Variants in SALL2 observed in about 807,000 individuals in gnomAD.
The protein encoded by SALL2 is spalt like transcription factor 2.
In SALL2, 32 loss-of-function variants were observed where a neutral mutation model predicts 58.5. That is an observed-to-expected ratio of 0.55 (90% CI 0.41 to 0.74). SALL2 has a LOEUF of 0.74. SALL2 is among the 30% of genes least tolerant of loss of function. The pLI is 0.00. For synonymous variants in SALL2, 516 were observed against 513.6 expected, an observed-to-expected ratio of 1.00 and a Z score of -0.06; for missense variants, 1,201 against 1,268.9, an observed-to-expected ratio of 0.95 and a Z score of 0.81.
chr14:21,522,655 G>T lies in SALL2; in HGVS notation c.*49C>A. 1 of 1,499,182 alleles carries T rather than the reference G, an allele frequency of 6.7e-7. No homozygotes were observed. Among genetic ancestry groups the T allele is most frequent in the Non-Finnish European group, 8.9e-7 (1 of 1,125,472 alleles). The allele number at this position is 1,499,182 out of a possible 1,614,324, so 92.9% of individuals were successfully genotyped here. A position where few individuals can be genotyped will look rare whatever the true frequency, so the allele number is the denominator to read the frequency against. On this transcript the variant is annotated 3_prime_UTR_variant, in exon 2 of 2. Transcript: ENST00000537235. ...TAACTCTGGGAGGTCCTTTTGTGAA[G>T]CTGTTTCTGCTCTGTGGGACAAAGA...
upstream of SALL2, among the ~76,000 whole-genome samples, chr14:21,527,435 C>T (rs1892352199): frequency 6.6e-6 from 1 of 151,486 alleles, no homozygotes; most frequent in Admixed American, 6.6e-5. Flanking sequence ...CTTCCCACTT[C>T]CTAAAATACT....
upstream of SALL2, among the ~76,000 whole-genome samples, chr14:21,527,097 TCTC>T (rs572863110): frequency 1.3e-5 from 2 of 152,202 alleles, no homozygotes; most frequent in Admixed American, 1.3e-4. Flanking sequence ...CCTCCTCTAT[TCTC>T]CTCTTGCAAC....
Position 21,521,737 on chromosome 14 carries a change from C to A in SALL2, c.*967G>T. ...CCTTAAAGATACGAACTTCACATTTCCCAAATATCTCCTGGGAGACCTCTT... is the reference window on the plus strand; with the variant it reads ...CCTTAAAGATACGAACTTCACATTTACCAAATATCTCCTGGGAGACCTCTT... On this transcript the variant is annotated 3_prime_UTR_variant, in exon 2 of 2. Transcript: ENST00000537235. The A allele has an allele frequency of 2.5e-6, 1 of 404,108 alleles. No individual in the cohort carries two copies. The highest frequency in any genetic ancestry group is 4.5e-6 in the Non-Finnish European group (1 of 221,254). 25.0% of individuals were successfully genotyped at this position (404,108 alleles called of 1,614,324 possible). A position where few individuals can be genotyped will look rare whatever the true frequency, so the allele number is the denominator to read the frequency against.
Position 21,522,480 on chromosome 14 carries a change from C to T in SALL2, c.*224G>A. The T allele has an allele frequency of 7.2e-7, 1 of 1,394,980 alleles. No homozygotes were observed. The allele number at this position is 1,394,980 out of a possible 1,614,324, so 86.4% of individuals were successfully genotyped here. A position where few individuals can be genotyped will look rare whatever the true frequency, so the allele number is the denominator to read the frequency against. On this transcript the variant is annotated 3_prime_UTR_variant, in exon 2 of 2. Coordinates refer to ENST00000537235, the MANE Select transcript of SALL2 (RefSeq NM_001364564.1). ...GAGAAAGCTGCAGAGAATCTATGTT[C>T]CTCAGGTACAAAGAATGAGGAGGGA... is the stretch of plus-strand genomic sequence containing the variant.
chr14:21,525,728 G>T lies in SALL2; in HGVS notation c.68-74C>A. ...GTATACCGAGGCTCTAATTAACAAGGAGGCCAGTAACCGCTAGTTGGGGGT... is the reference window on the plus strand; with the variant it reads ...GTATACCGAGGCTCTAATTAACAAGTAGGCCAGTAACCGCTAGTTGGGGGT... On this transcript the variant is annotated intron_variant, in intron 1 of 1. Transcript: ENST00000537235. The surrounding 1 kb of genome is among the most constrained non-coding windows in gnomAD (Gnocchi z 4.4). 6.8e-7 allele frequency: 1 copy of T among 1,479,432 alleles called. No homozygotes were observed. Among genetic ancestry groups the T allele is most frequent in the South Asian group, 1.4e-5 (1 of 73,248 alleles). 91.6% of individuals were successfully genotyped at this position (1,479,432 alleles called of 1,614,324 possible).
At position 21,521,939 on chromosome 14, in the gene SALL2, CAATT is replaced by C; in HGVS notation, c.*761_*764del. On this transcript the variant is annotated 3_prime_UTR_variant, in exon 2 of 2. Transcript: ENST00000537235. Reference sequence around the variant, plus strand: ...TCCCTACTTCCTAGGGTTGGGTCACCAATTACTGGAGCATCTTCAGTACCGGCAC... The same window carrying C: ...TCCCTACTTCCTAGGGTTGGGTCACCACTGGAGCATCTTCAGTACCGGCAC... The C allele has an allele frequency of 6.7e-7, 1 of 1,484,000 alleles. No homozygotes were observed. The highest frequency in any genetic ancestry group is 9.0e-7 in the Non-Finnish European group (1 of 1,115,598). 91.9% of individuals were successfully genotyped at this position (1,484,000 alleles called of 1,614,324 possible). A position where few individuals can be genotyped will look rare whatever the true frequency, so the allele number is the denominator to read the frequency against.
At chr14:21,530,089 T>G (rs372763895), upstream of SALL2, among the ~76,000 whole-genome samples, 6 of 152,278 alleles carry the variant, frequency 3.9e-5, no homozygotes, top group African/African-American at 1.2e-4. Flanking sequence ...CTCCCTACAG[T>G]GCCCACAACC....
In SALL2 at chr14:21,522,819, G is replaced by T. The variant is rs368220424; in HGVS notation, c.2903C>A (p.Ala968Asp). The change falls in exon 2 of 2, where the codon GCC becomes GAC. Residue 968 changes from alanine to aspartate, a missense_variant. Ala to Asp is a moderately radical substitution (Grantham distance 126). This residue lies in a region of SALL2 where 675 missense variants were observed against 683.8 expected (regional missense o/e 0.99). Coordinates refer to ENST00000537235, the MANE Select transcript of SALL2 (RefSeq NM_001364564.1). ...LLAHHQVQPFAPHGPQNIAAL... is the reference protein window; with the variant it reads ...LLAHHQVQPFDPHGPQNIAAL... ...AGCAATATTCTGAGGGCCATGGGGG[G>T]CAAAGGGCTGTACCTGGTGGTGTGC... 2 of 1,608,728 alleles carry T rather than the reference G, an allele frequency of 1.2e-6. No individual in the cohort carries two copies.
chr14:21,523,806 C>A lies in SALL2; in HGVS notation c.1916G>T (p.Ser639Ile), dbSNP rs1244679375. 1 of 1,614,198 alleles carries A rather than the reference C, an allele frequency of 6.2e-7. No homozygotes were observed. Among genetic ancestry groups the A allele is most frequent in the Admixed American group, 1.7e-5 (1 of 60,020 alleles). ...ATGAAGGCGTAGGGCCCGAGGACAG[C>A]TAAGCACTCGGAGACAGATGACACA... ...NQCVICLRVL[S>I]CPRALRLHYG... Residue 639 changes from serine (S) to isoleucine (I), a missense_variant, in exon 2 of 2, where the codon AGC (serine) becomes ATC (isoleucine). By Grantham distance (142) the Ser-to-Ile change is moderately radical. This residue lies in a region of SALL2 where 675 missense variants were observed against 683.8 expected (regional missense o/e 0.99). Transcript: ENST00000537235. This position sits in a 1 kb window ranked among gnomAD's most constrained non-coding sequence, Gnocchi z 4.4.
chr14:21,529,996 C>T (rs1437157306), upstream of SALL2, among the ~76,000 whole-genome samples: 1 of 152,186 alleles, frequency 6.6e-6, no homozygotes, highest in Non-Finnish European at 1.5e-5. Flanking sequence ...CTGCTCCTCA[C>T]AGATCTTACC....
rs775801450 is a variant in SALL2, at chr14:21,522,752, G to A, written c.2970C>T (p.Ser990=). 1.9e-6 allele frequency: 3 copies of A among 1,558,536 alleles called. No individual in the cohort carries two copies. Among genetic ancestry groups the A allele is most frequent in the African/African-American group, 1.4e-5 (1 of 72,948 alleles). The change falls in exon 2 of 2, where the codon TCC becomes TCT. Residue 990 remains serine, a synonymous_variant. Coordinates refer to ENST00000537235, the MANE Select transcript of SALL2 (RefSeq NM_001364564.1). ...TTCGGGGAAAGGGGGAGAGCCCTGT[G>A]GAGGTGATGGAAGGCGAACAGCCAG... ...LVPGCSPSIT[S]TGLSPFPRKD...
upstream of SALL2, among the ~76,000 whole-genome samples, chr14:21,530,857 C>CT (rs1029833755): frequency 1.3e-5 from 2 of 152,230 alleles, no homozygotes; most frequent in African/African-American, 4.8e-5. Flanking sequence ...AGGGATCCTC[C>CT]TGCCTTGTCC....
rs61743453 is a variant in SALL2, at chr14:21,523,209, G to C, written c.2513C>G (p.Pro838Arg). 3,262 of 1,614,038 alleles carry C rather than the reference G, an allele frequency of 2.0e-3. 57 individuals carry two copies. The African/African-American group carries it at 0.038, about 19-fold the overall frequency. The change falls in exon 2 of 2, where the codon CCA becomes CGA. Residue 838 changes from proline (P) to arginine (R), a missense_variant. Around this residue, in one of 3 missense-constraint regions of SALL2, gnomAD observed 675 missense variants for 683.8 expected, o/e 0.99. Transcript: ENST00000537235. The surrounding 1 kb of genome is among the most constrained non-coding windows in gnomAD (Gnocchi z 4.4). ...KTTQQSSLPP[P>R]PPPDSLDQPQ... ...CTGATCCAGGCTGTCAGGTGGTGGT[G>C]GTGGTGGCAAAGAAGACTGTTGAGT...
rs556669432 is a variant in SALL2, at chr14:21,522,731, G to C, written c.2991C>G (p.Pro997=). The C allele has an allele frequency of 2.0e-6, 3 of 1,527,996 alleles. No homozygotes were observed. Among genetic ancestry groups the C allele is most frequent in the South Asian group, 2.6e-5 (2 of 76,420 alleles). The allele number at this position is 1,527,996 out of a possible 1,614,324, so 94.7% of individuals were successfully genotyped here. The part of the protein sequence containing the change: ...SITSTGLSPF[P]RKDDPTIP ...ATGGGATCGTGGGGTCATCTTTTCG[G>C]GGAAAGGGGGAGAGCCCTGTGGAGG... Residue 997 remains proline (P), a synonymous_variant, in exon 2 of 2, where the codon CCC becomes CCG. Coordinates refer to ENST00000537235, the MANE Select transcript of SALL2 (RefSeq NM_001364564.1).
At chr14:21,532,646 A>C (rs1566518612) in intron 1 of SALL2, among the ~76,000 whole-genome samples, 1 of 151,990 alleles carries the variant, frequency 6.6e-6, no homozygotes, top group South Asian at 2.1e-4. Context: ...TCTCAAAAAA[A>C]GAAAAAAATT....
upstream of SALL2, among the ~76,000 whole-genome samples, chr14:21,529,498 G>T (rs1218701248): frequency 6.6e-6 from 1 of 152,102 alleles, no homozygotes; most frequent in African/African-American, 2.4e-5. Context: ...TGCCCATTAG[G>T]ATTACCAGAA....
At chr14:21,527,924 G>A (rs566085302), upstream of SALL2, among the ~76,000 whole-genome samples, 2 of 151,592 alleles carry the variant, frequency 1.3e-5, no homozygotes, top group East Asian at 3.9e-4. Context: ...GGCAGATCAC[G>A]AGGTCAGAAG....
Position 21,522,449 on chromosome 14 carries a change from C to A in SALL2, c.*255G>T. 1 of 1,402,498 alleles carries A rather than the reference C, an allele frequency of 7.1e-7. No individual in the cohort carries two copies. Among genetic ancestry groups the A allele is most frequent in the Non-Finnish European group, 9.2e-7 (1 of 1,081,894 alleles). The allele number at this position is 1,402,498 out of a possible 1,614,324, so 86.9% of individuals were successfully genotyped here. A position where few individuals can be genotyped will look rare whatever the true frequency, so the allele number is the denominator to read the frequency against. ...CACACCAGGGAAGCTGGAGAGGGTT[C>A]CCCTTGAGAAAGCTGCAGAGAATCT... is the stretch of plus-strand genomic sequence containing the variant. On this transcript the variant is annotated 3_prime_UTR_variant, in exon 2 of 2. Transcript: ENST00000537235.
At chr14:21,535,785 G>C (rs1307656920) in intron 1 of SALL2, among the ~76,000 whole-genome samples, 1 of 152,186 alleles carries the variant, frequency 6.6e-6, no homozygotes, top group Admixed American at 6.5e-5. Flanking sequence ...CTGGAGCCAG[G>C]ACTTCCAGAC....
Sources: gnomAD v4.1 joint callset for allele counts (sites outside exome capture counted in the v4.1 genomes callset) on GRCh38, gnomAD v4.1.1 for gene constraint, gnomAD v4.1.1 regional missense constraint, Gnocchi (gnomAD v3.1) non-coding constraint, MANE v1.5 for transcripts, NCBI Gene and HGNC (gene_info 2026-07-23, HGNC 2026-07-21) for gene names.